The following CCSER1 variants were observed in gnomAD, a reference collection of about 807,000 sequenced individuals.
CCSER1 encodes coiled-coil serine rich protein 1.
Under a neutral mutation model 82.0 loss-of-function variants are expected in CCSER1, and 41 were observed. The observed-to-expected ratio is 0.50, with a 90% CI of 0.39 to 0.65. CCSER1 has a LOEUF of 0.65. Ranked by LOEUF, CCSER1 falls within the 30% of genes least tolerant of loss-of-function variation. The pLI is 0.00. For synonymous variants in CCSER1, 414 were observed against 383.9 expected (o/e 1.08, Z -0.92); for missense variants, 1,119 against 1,064.2 (o/e 1.05, Z -0.72).
chr4:90,900,282 G>A (rs1321059886), intron 8 of CCSER1, among the ~76,000 whole-genome samples: 8 of 151,592 alleles, frequency 5.3e-5, no homozygotes, highest in East Asian at 1.9e-4. Flanking sequence ...CTCTGAGAAC[G>A]TATTGTATTT....
At chr4:90,970,148 AATAG>A (rs1051071946) in intron 9 of CCSER1, among the ~76,000 whole-genome samples, 11 of 151,954 alleles carry the variant, frequency 7.2e-5, no homozygotes, top group South Asian at 2.1e-4. Flanking sequence ...TTCCAGTAAA[AATAG>A]ATAGAGTGGG....
chr4:90,712,746 T>G (rs1355819244), intron 6 of CCSER1, among the ~76,000 whole-genome samples: 1 of 151,926 alleles, frequency 6.6e-6, no homozygotes, highest in Admixed American at 6.6e-5. Context: ...CATTAAAGTC[T>G]CCCATTATTA....
At chr4:90,788,860 C>A (rs1754868871) in intron 7 of CCSER1, among the ~76,000 whole-genome samples, 1 of 152,136 alleles carries the variant, frequency 6.6e-6, no homozygotes, top group Non-Finnish European at 1.5e-5. Flanking sequence ...ACAGATAGTT[C>A]TCTGCCTAGT....
chr4:90,456,911 T>C (rs1356594358), intron 4 of CCSER1, among the ~76,000 whole-genome samples: 1 of 152,188 alleles, frequency 6.6e-6, no homozygotes, highest in African/African-American at 2.4e-5. Context: ...GGTGGTGCCT[T>C]TGCCCAAGTT....
At chr4:90,724,759 G>A (rs896793940) in intron 7 of CCSER1, 1 of 294,132 alleles carries the variant, frequency 3.4e-6, no homozygotes, top group Non-Finnish European at 6.8e-6. Flanking sequence ...TTAAAGACGT[G>A]CACATTTTAA....
chr4:90,750,727 A>T (rs1748479695), intron 7 of CCSER1, among the ~76,000 whole-genome samples: 1 of 152,174 alleles, frequency 6.6e-6, no homozygotes, highest in Admixed American at 6.6e-5. Context: ...TGTACACATG[A>T]TCATAAAACA....
intron 10 of CCSER1, among the ~76,000 whole-genome samples, chr4:91,366,403 C>G (rs1473267548): frequency 6.6e-6 from 1 of 152,156 alleles, no homozygotes; most frequent in African/African-American, 2.4e-5. Context: ...TACCATTTAT[C>G]TGTAAATATT....
intron 10 of CCSER1, among the ~76,000 whole-genome samples, chr4:91,213,899 T>A (rs963722286): frequency 6.6e-6 from 1 of 152,134 alleles, no homozygotes; most frequent in African/African-American, 2.4e-5. Flanking sequence ...TAACTGTTAT[T>A]ACTGTGCTTG....
intron 5 of CCSER1, among the ~76,000 whole-genome samples, chr4:90,534,276 C>A (rs1245364388): frequency 6.6e-6 from 1 of 152,080 alleles, no homozygotes; most frequent in African/African-American, 2.4e-5. Context: ...ACTACAGGCG[C>A]CCGCCACCAC....
intron 8 of CCSER1, among the ~76,000 whole-genome samples, chr4:90,837,464 T>C (rs1761951917): frequency 6.6e-6 from 1 of 152,186 alleles, no homozygotes; most frequent in Non-Finnish European, 1.5e-5. Context: ...CTGCAAATTC[T>C]TTTCCCAACC....
At chr4:90,186,488 C>T (rs1734639495) in intron 1 of CCSER1, among the ~76,000 whole-genome samples, 1 of 151,960 alleles carries the variant, frequency 6.6e-6, no homozygotes, top group South Asian at 2.1e-4. Flanking sequence ...AAAGGTGTCA[C>T]TGATCATAAC....
At chr4:90,388,516 G>A (rs1202363191) in intron 3 of CCSER1, among the ~76,000 whole-genome samples, 12 of 152,134 alleles carry the variant, frequency 7.9e-5, no homozygotes, top group African/African-American at 2.9e-4. Flanking sequence ...CACCATCTTA[G>A]CCAGGCTGGT....
At chr4:90,900,094 G>GTTTTTTTTTTTTTTTTTTTTTTTTTTTTT (rs70963096) in intron 8 of CCSER1, among the ~76,000 whole-genome samples, 18 of 102,156 alleles carry the variant, frequency 1.8e-4, no homozygotes, top group South Asian at 6.4e-4. Flanking sequence ...TGGTCCCAGA[G>GTTTTTTTTTTTTTTTTTTTTTTTTTTTTT]TTTTTTTTTT....
chr4:90,879,589 G>T (rs1393074329), intron 8 of CCSER1, among the ~76,000 whole-genome samples: 1 of 119,076 alleles, frequency 8.4e-6, no homozygotes, highest in African/African-American at 3.3e-5. Flanking sequence ...AGAAGAGGAG[G>T]AGGAGGAGGA....
At chr4:90,563,036 C>T (rs895696211) in intron 5 of CCSER1, among the ~76,000 whole-genome samples, 15 of 151,944 alleles carry the variant, frequency 9.9e-5, no homozygotes, top group African/African-American at 3.6e-4. Flanking sequence ...TTTACCATTT[C>T]TAAAAATTAT....
intron 6 of CCSER1, among the ~76,000 whole-genome samples, chr4:90,721,966 A>ATTT (rs1347343326): frequency 6.6e-6 from 1 of 151,590 alleles, no homozygotes; most frequent in African/African-American, 2.4e-5. Flanking sequence ...CTAGAACACA[A>ATTT]TTTTCTCTTA....
At chr4:90,900,111 T>G (rs1349928493) in intron 8 of CCSER1, among the ~76,000 whole-genome samples, 1 of 148,188 alleles carries the variant, frequency 6.7e-6, no homozygotes, top group Non-Finnish European at 1.5e-5. Flanking sequence ...TTTTTTTTTT[T>G]GTAGATATTT....
chr4:91,336,442 TG>T (rs1277447345), intron 10 of CCSER1, among the ~76,000 whole-genome samples: 3 of 152,134 alleles, frequency 2.0e-5, no homozygotes, highest in Non-Finnish European at 4.4e-5. Flanking sequence ...GCCTAGTATT[TG>T]CTACGCTATG....
chr4:90,487,519 G>A (rs1767296625), intron 5 of CCSER1, among the ~76,000 whole-genome samples: 1 of 152,228 alleles, frequency 6.6e-6, no homozygotes, highest in Non-Finnish European at 1.5e-5. Flanking sequence ...TTTGATGAAA[G>A]CAGGGATTGT....
Sources: gnomAD v4.1 joint callset for allele counts (sites outside exome capture counted in the v4.1 genomes callset) on GRCh38, gnomAD v4.1.1 for gene constraint, MANE v1.5 for transcripts, NCBI Gene and HGNC (gene_info 2026-07-23, HGNC 2026-07-21) for gene names.